PI4KA: variants seen among roughly 807,000 people sequenced by gnomAD.
PI4KA encodes the protein PI4-kinase alpha.
A neutral mutation model predicts 271.4 loss-of-function variants in PI4KA; 122 were observed. That is an observed-to-expected ratio of 0.45 (90% CI 0.39 to 0.52). The LOEUF is 0.52. Among genes scored for constraint, PI4KA ranks in the 20% least tolerant of loss-of-function variants. The pLI is 0.00. For synonymous variants in PI4KA, 1,041 were observed against 1,078.8 expected (o/e 0.96, Z 0.69); for missense variants, 1,969 against 2,769.1 (o/e 0.71, Z 6.48).
At chr22:20,716,146 G>C (rs914560170) in intron 45 of PI4KA, among the ~76,000 whole-genome samples, 49 of 152,146 alleles carry the variant, frequency 3.2e-4, no homozygotes, top group African/African-American at 1.1e-3. Context: ...TGCCTCCCGG[G>C]TTCACGCCAT....
rs1292498685 is a variant in PI4KA, at chr22:20,787,169, G to A, written c.2328+6024C>T. The A allele has an allele frequency of 2.2e-5, 24 of 1,073,328 alleles. 1 individual carries two copies. The highest frequency in any genetic ancestry group is 6.4e-5 in the South Asian group (5 of 77,792). 66.5% of individuals were successfully genotyped at this position (1,073,328 alleles called of 1,614,324 possible). On this transcript the variant is annotated intron_variant, in intron 19 of 54. Transcript: ENST00000255882. Reference sequence around the variant, plus strand: ...TTCTGGCATCATTTACGTAGTTTACGCTACCAATCTGAATTCGAGGCCCAT... The same window carrying A: ...TTCTGGCATCATTTACGTAGTTTACACTACCAATCTGAATTCGAGGCCCAT...
chr22:20,796,388 G>T, intron 17 of PI4KA, 74 bp from the exon 18 acceptor site: 1 of 1,442,164 alleles, frequency 6.9e-7, no homozygotes. Flanking sequence ...CTGCAGGGGT[G>T]AGGCGAGCTG....
chr22:20,817,807 T>G (rs1922039277), intron 7 of PI4KA, among the ~76,000 whole-genome samples: 1 of 135,744 alleles, frequency 7.4e-6, no homozygotes, highest in Non-Finnish European at 1.6e-5. Context: ...TCTTTAATAT[T>G]ATCTACATAC....
At chr22:20,778,488 A>G (rs1043926239) in intron 19 of PI4KA, among the ~76,000 whole-genome samples, 1 of 152,158 alleles carries the variant, frequency 6.6e-6, no homozygotes, top group African/African-American at 2.4e-5. Flanking sequence ...TGGGTGACAG[A>G]GTGAGACTCC....
Position 20,858,801 on chromosome 22 carries a change from T to G in PI4KA, c.-76A>C. 2.9e-6 allele frequency: 4 copies of G among 1,361,358 alleles called. No homozygotes were observed. The highest frequency in any genetic ancestry group is 3.8e-6 in the Non-Finnish European group (4 of 1,056,066). The allele number at this position is 1,361,358 out of a possible 1,614,324, so 84.3% of individuals were successfully genotyped here. On this transcript the variant is annotated 5_prime_UTR_variant, in exon 1 of 55. Transcript: ENST00000255882. ...AGCGCCCGACCTCAGGGCGCAGGCG[T>G]AGGTGCATCCGGCTTTCCCGCCACG...
chr22:20,775,578 G>A (rs562693740), intron 19 of PI4KA, among the ~76,000 whole-genome samples: 3 of 152,278 alleles, frequency 2.0e-5, no homozygotes, highest in Admixed American at 6.5e-5. Flanking sequence ...ATTTATTCAA[G>A]TTGGTTTTTG....
intron 19 of PI4KA, chr22:20,779,040 G>A (rs1933529731): frequency 1.3e-6 from 1 of 755,868 alleles, no homozygotes; most frequent in Non-Finnish European, 2.0e-6. Flanking sequence ...TAGAAGGTTA[G>A]TTTTGCAAAC....
At chr22:20,812,197 G>A (rs1404893236) in intron 8 of PI4KA, among the ~76,000 whole-genome samples, 2 of 152,104 alleles carry the variant, frequency 1.3e-5, no homozygotes, top group African/African-American at 2.4e-5. Flanking sequence ...TCTATCTGGG[G>A]CACTGACACT....
chr22:20,821,476 T>C (rs1922652543), intron 4 of PI4KA, among the ~76,000 whole-genome samples: 1 of 152,128 alleles, frequency 6.6e-6, no homozygotes, highest in African/African-American at 2.4e-5. Context: ...TGCCTTGGCC[T>C]CGCAAAGTGC....
chr22:20,838,701 C>T lies in PI4KA; in HGVS notation c.187G>A (p.Asp63Asn). Reference protein sequence around the residue: ...VQKLLCMCPVDFHGIFQLDER... With the variant: ...VQKLLCMCPVNFHGIFQLDER... ...TCTAACTGGAAGATCCCATGGAAAT[C>T]CACTGGACACATGCAAAGAAGCTTT... is the stretch of plus-strand genomic sequence containing the variant. Residue 63 changes from aspartate (D) to asparagine (N), a missense_variant, in exon 2 of 55, where the codon GAT (aspartate) becomes AAT (asparagine). By Grantham distance (23) the Asp-to-Asn change is conservative (BLOSUM62 1). Transcript: ENST00000255882. 6.2e-7 allele frequency: 1 copy of T among 1,612,838 alleles called. No homozygotes were observed. Among genetic ancestry groups the T allele is most frequent in the Non-Finnish European group, 8.5e-7 (1 of 1,178,836 alleles).
Position 20,810,954 on chromosome 22 carries a change from A to G in PI4KA, c.1071+13T>C. On this transcript the variant is annotated intron_variant, in intron 9 of 54. Transcript: ENST00000255882. ...AGGCTGATCTCATGGTAATGCCCTCAGAAGCGACATACCTCCATCACACTG... is the reference window on the plus strand; with the variant it reads ...AGGCTGATCTCATGGTAATGCCCTCGGAAGCGACATACCTCCATCACACTG... 2 of 1,602,936 alleles carry G rather than the reference A, an allele frequency of 1.2e-6. No homozygotes were observed. Among genetic ancestry groups the G allele is most frequent in the Non-Finnish European group, 1.7e-6 (2 of 1,169,770 alleles).
chr22:20,734,426 G>C lies in PI4KA; in HGVS notation c.3869C>G (p.Pro1290Arg), dbSNP rs1348655919. The C allele has an allele frequency of 6.2e-7, 1 of 1,607,190 alleles. No homozygotes were observed. Among genetic ancestry groups the C allele is most frequent in the Non-Finnish European group, 8.5e-7 (1 of 1,174,970 alleles). The change falls in exon 33 of 55, where the codon CCC (proline) becomes CGC (arginine). Residue 1290 changes from proline (P) to arginine (R), a missense_variant. Physicochemically the swap from Pro to Arg is moderately radical, Grantham distance 103 (BLOSUM62 -2). Coordinates refer to ENST00000255882, the MANE Select transcript of PI4KA (RefSeq NM_058004.4). The stretch of plus-strand genomic sequence containing the variant: ...CCAGATGTAGTGGGGGGTCACTTCG[G>C]GGGGACAGGGTTTGGGTTGACTTGC... ...SEASQPKPCP[P>R]EVTPHYIWID... is the part of the protein sequence containing the mutation.
At chr22:20,831,639 T>C (rs1399950577) in intron 3 of PI4KA, among the ~76,000 whole-genome samples, 1 of 152,124 alleles carries the variant, frequency 6.6e-6, no homozygotes, top group East Asian at 1.9e-4. Flanking sequence ...AGGCTGAATG[T>C]AGGCCTCCAT....
chr22:20,765,208 C>T lies in PI4KA; in HGVS notation c.2466G>A (p.Gly822=). ...SGLWPEEWYE[G]VCEIATKSPL... ...GGGACTTAGTGGCTATTTCACAGACCCCCTCGTACCATTCTTCTGGCCAGA... is the reference window on the plus strand; with the variant it reads ...GGGACTTAGTGGCTATTTCACAGACTCCCTCGTACCATTCTTCTGGCCAGA... Residue 822 remains glycine, a synonymous_variant, in exon 21 of 55, where the codon GGG becomes GGA. Transcript: ENST00000255882. 6.2e-7 allele frequency: 1 copy of T among 1,612,762 alleles called. No homozygotes were observed. Among genetic ancestry groups the T allele is most frequent in the South Asian group, 1.1e-5 (1 of 90,876 alleles).
At chr22:20,812,620 T>C (rs918216398) in intron 8 of PI4KA, among the ~76,000 whole-genome samples, 8 of 152,188 alleles carry the variant, frequency 5.3e-5, no homozygotes, top group African/African-American at 1.4e-4. Flanking sequence ...AGTGCTGCGA[T>C]GTTGACTACT....
At chr22:20,712,457 C>T (rs2539905) in intron 50 of PI4KA, 29 bp downstream of exon 50, 52 of 1,604,888 alleles carry the variant, frequency 3.2e-5, no homozygotes, top group Admixed American at 6.8e-5. Flanking sequence ...CACACACGAC[C>T]TCCCCCGGCC....
chr22:20,755,238 C>T (rs1931152813), intron 23 of PI4KA, among the ~76,000 whole-genome samples: 2 of 152,176 alleles, frequency 1.3e-5, no homozygotes, highest in Non-Finnish European at 2.9e-5. Flanking sequence ...CTATTCAAAT[C>T]ATTCCAGCTT....
intron 29 of PI4KA, among the ~76,000 whole-genome samples, chr22:20,745,553 A>G (rs1929956610): frequency 6.6e-6 from 1 of 152,202 alleles, no homozygotes; most frequent in Non-Finnish European, 1.5e-5. Flanking sequence ...ACATCAAAAT[A>G]TAAACAAGAA....
chr22:20,762,682 C>T (rs1325861000), intron 22 of PI4KA, among the ~76,000 whole-genome samples: 3 of 152,144 alleles, frequency 2.0e-5, no homozygotes, highest in African/African-American at 7.2e-5. Context: ...CATGTTTTTG[C>T]TCTGTTTGGG....
Sources: gnomAD v4.1 joint callset for allele counts (sites outside exome capture counted in the v4.1 genomes callset) on GRCh38, gnomAD v4.1.1 for gene constraint, MANE v1.5 for transcripts, NCBI Gene and HGNC (gene_info 2026-07-23, HGNC 2026-07-21) for gene names.